The following ANXA8 variants were observed in gnomAD, a reference collection of about 807,000 sequenced individuals.
The protein encoded by ANXA8 is VAC-beta.
In ANXA8, 9 loss-of-function variants were observed where a neutral mutation model predicts 26.8. The observed-to-expected ratio is 0.34, with a 90% CI of 0.20 to 0.59. The LOEUF (loss-of-function observed/expected upper bound fraction) is 0.59. Among genes scored for constraint, ANXA8 ranks in the 20% least tolerant of loss-of-function variants. The pLI is 0.84. For missense variants in ANXA8, 83 were observed against 238.5 expected (o/e 0.35, Z 4.29); for synonymous variants, 39 against 94.8 (o/e 0.41, Z 3.42).
At chr10:47,564,975 G>A in the ANXA8 span, 1 of 1,162,540 alleles carries the variant, frequency 8.6e-7, no homozygotes. Flanking sequence ...AAGCTGTCCA[G>A]CTGCCAAGTC....
the ANXA8 span, chr10:47,565,849 G>A: frequency 7.8e-6 from 10 of 1,288,892 alleles, no homozygotes; most frequent in South Asian, 1.7e-4. Flanking sequence ...CCCGGGACGC[G>A]CGGACCAGCT....
At chr10:47,652,812 C>T in the ANXA8 span, among the ~76,000 whole-genome samples, 1 of 146,294 alleles carries the variant, frequency 6.8e-6, no homozygotes, top group Non-Finnish European at 1.5e-5. Flanking sequence ...ATACTCTGTT[C>T]TACCTTAAAA....
At chr10:47,533,196 C>A in the ANXA8 span, among the ~76,000 whole-genome samples, 3 of 139,322 alleles carry the variant, frequency 2.2e-5, no homozygotes, top group Non-Finnish European at 4.6e-5. Flanking sequence ...CACACACACA[C>A]ACACACACAC....
At chr10:47,553,412 C>A in the ANXA8 span, 4,118 of 156,128 alleles carry the variant, frequency 0.026, no homozygotes, top group African/African-American at 0.096. Context: ...GCGCACGACT[C>A]GCGATCTTCC....
At chr10:47,655,776 T>C in the ANXA8 span, among the ~76,000 whole-genome samples, 1 of 152,050 alleles carries the variant, frequency 6.6e-6, no homozygotes, top group East Asian at 1.9e-4. Flanking sequence ...ATCCCAGCAC[T>C]TTGGGAGGCC....
the ANXA8 span, among the ~76,000 whole-genome samples, chr10:47,671,566 G>A: frequency 3.3e-5 from 5 of 151,850 alleles, no homozygotes; most frequent in Non-Finnish European, 7.4e-5. Flanking sequence ...TGTGTTCTAA[G>A]TTTTTTTCGT....
chr10:47,709,581 C>G, the ANXA8 span, among the ~76,000 whole-genome samples: 1 of 146,356 alleles, frequency 6.8e-6, no homozygotes, highest in Non-Finnish European at 1.5e-5. Flanking sequence ...ACCAATCCAA[C>G]ACTTGAAAAA....
chr10:47,646,210 C>A, the ANXA8 span, among the ~76,000 whole-genome samples: 2 of 139,362 alleles, frequency 1.4e-5, no homozygotes, highest in South Asian at 2.2e-4. Flanking sequence ...CTCTGGAGAA[C>A]CTTAACTAAT....
At chr10:47,626,800 G>A in the ANXA8 span, among the ~76,000 whole-genome samples, 1 of 150,290 alleles carries the variant, frequency 6.7e-6, no homozygotes, top group Non-Finnish European at 1.5e-5. Flanking sequence ...GCAAAGGAAG[G>A]TAATCAGAGG....
chr10:47,469,691 G>C (rs1357953582), intron 11 of ANXA8, among the ~76,000 whole-genome samples: 1 of 151,302 alleles, frequency 6.6e-6, no homozygotes, highest in Non-Finnish European at 1.5e-5. Flanking sequence ...GGACAGCGGG[G>C]CCAAGAGAGG....
the ANXA8 span, among the ~76,000 whole-genome samples, chr10:47,646,925 T>C: frequency 1.3e-5 from 2 of 152,164 alleles, no homozygotes; most frequent in Non-Finnish European, 2.9e-5. Flanking sequence ...ATTTAGTATG[T>C]ATTTAACAAC....
At chr10:47,536,574 C>G in the ANXA8 span, among the ~76,000 whole-genome samples, 1 of 129,486 alleles carries the variant, frequency 7.7e-6, no homozygotes, top group African/African-American at 3.6e-5. Context: ...TACACACACA[C>G]ACATAAACAC....
the ANXA8 span, among the ~76,000 whole-genome samples, chr10:47,650,482 C>T: frequency 1.3e-5 from 2 of 151,848 alleles, no homozygotes; most frequent in African/African-American, 4.9e-5. Flanking sequence ...ACTATCACAG[C>T]TCCATAAGAA....
chr10:47,628,047 TA>T, the ANXA8 span, among the ~76,000 whole-genome samples: 2 of 150,950 alleles, frequency 1.3e-5, no homozygotes, highest in African/African-American at 2.5e-5. Flanking sequence ...TTGCAATAGA[TA>T]TGTATTTATT....
At chr10:47,536,675 A>T in the ANXA8 span, among the ~76,000 whole-genome samples, 1 of 126,016 alleles carries the variant, frequency 7.9e-6, no homozygotes. Flanking sequence ...GCATTAACTT[A>T]GCTGGGTGTG....
chr10:47,476,435 C>G (rs1839541731), intron 4 of ANXA8, 113 bp from the exon 5 acceptor site: 2 of 948,658 alleles, frequency 2.1e-6, no homozygotes, highest in Non-Finnish European at 3.0e-6. Flanking sequence ...TGCCCTGCCC[C>G]ACTTGAAGTG....
chr10:47,663,326 T>C, the ANXA8 span, among the ~76,000 whole-genome samples: 1 of 148,092 alleles, frequency 6.8e-6, no homozygotes, highest in Non-Finnish European at 1.5e-5. Flanking sequence ...TTATATTTGT[T>C]TTAACAAATA....
At chr10:47,757,504 T>G in the ANXA8 span, among the ~76,000 whole-genome samples, 2 of 81,050 alleles carry the variant, frequency 2.5e-5, no homozygotes, top group Non-Finnish European at 6.2e-5. Flanking sequence ...CTGGAGAGTT[T>G]AAGGGGCTTG....
the ANXA8 span, among the ~76,000 whole-genome samples, chr10:47,962,948 C>T: frequency 1.0e-5 from 1 of 96,558 alleles, no homozygotes; most frequent in South Asian, 5.9e-4. Flanking sequence ...TTGCTCAGCT[C>T]CAGCTGTGGT....
Sources: gnomAD v4.1 joint callset for allele counts (sites outside exome capture counted in the v4.1 genomes callset) on GRCh38, gnomAD v4.1.1 for gene constraint, MANE v1.5 for transcripts, NCBI Gene and HGNC (gene_info 2026-07-23, HGNC 2026-07-21) for gene names.